SYS1: variants seen among roughly 807,000 people sequenced by gnomAD.
SYS1 encodes protein SYS1 homolog.
SYS1 carries 8 observed loss-of-function variants against 17.8 expected under a neutral mutation model. The observed-to-expected ratio is 0.45, with a 90% CI of 0.26 to 0.81. The LOEUF is 0.81. Among genes scored for constraint, SYS1 ranks in the 40% least tolerant of loss-of-function variants. The pLI is 0.16. For missense variants in SYS1, 161 were observed against 203.9 expected, an observed-to-expected ratio of 0.79 and a Z score of 1.28; for synonymous variants, 95 against 90.9, an observed-to-expected ratio of 1.05 and a Z score of -0.26.
chr20:45,362,963 C>G (rs944488713), upstream of SYS1: 17 of 309,520 alleles, frequency 5.5e-5, no homozygotes, highest in Non-Finnish European at 7.5e-5. Context: ...AAAAAGAATT[C>G]CCCTCTAGAG....
chr20:45,362,895 C>T (rs1988265180), upstream of SYS1: 1 of 152,954 alleles, frequency 6.5e-6, no homozygotes, highest in Non-Finnish European at 1.5e-5. Context: ...AATTCCCAAA[C>T]ATCATTACCG....
chr20:45,362,955 A>C (rs1305459913), upstream of SYS1: 1 of 268,802 alleles, frequency 3.7e-6, no homozygotes, highest in African/African-American at 2.3e-5. Flanking sequence ...TCCTTTAAAA[A>C]AAGAATTCCC....
chr20:45,375,139 G>C (rs767966819), exon 4 of SYS1: 1 of 1,614,144 alleles, frequency 6.2e-7, no homozygotes, highest in Non-Finnish European at 8.5e-7. Flanking sequence ...CATCACCCTG[G>C]GCGCCGGGAG....
At chr20:45,369,342 T>A (rs1202569897), downstream of SYS1, 1 of 152,160 alleles carries the variant, frequency 6.6e-6, no homozygotes, top group Non-Finnish European at 1.5e-5. Flanking sequence ...CCAAGGTGAC[T>A]TTTTAGGAGC....
At chr20:45,374,622 G>T in exon 4 of SYS1, 1 of 445,254 alleles carries the variant, frequency 2.2e-6, no homozygotes, top group Non-Finnish European at 4.0e-6. Context: ...CATAAATAGA[G>T]AGTTGAATTG....
intron 2 of SYS1, among the ~76,000 whole-genome samples, chr20:45,364,442 G>A (rs1462102817): frequency 6.6e-6 from 1 of 150,456 alleles, no homozygotes; most frequent in African/African-American, 2.5e-5. Flanking sequence ...AGAGGCAGCT[G>A]TGGCGTGGTG....
chr20:45,373,739 G>A (rs919613919), downstream of SYS1: 3 of 634,014 alleles, frequency 4.7e-6, no homozygotes, highest in Admixed American at 2.6e-5. Flanking sequence ...GCTGCTCGCT[G>A]GCTTCTTTGG....
chr20:45,370,397 G>A (rs964187195), downstream of SYS1, among the ~76,000 whole-genome samples: 4 of 152,164 alleles, frequency 2.6e-5, no homozygotes, highest in African/African-American at 9.7e-5. Context: ...CTGAACTCTG[G>A]CCATTCAGAG....
chr20:45,375,175 A>C, exon 4 of SYS1: 1 of 1,614,142 alleles, frequency 6.2e-7, no homozygotes, highest in Non-Finnish European at 8.5e-7. Context: ...CAGCCCCTCA[A>C]ACCAGATCCA....
upstream of SYS1, chr20:45,363,058 C>T: frequency 1.0e-6 from 1 of 970,044 alleles, no homozygotes; most frequent in Non-Finnish European, 1.2e-6. Context: ...CGCTATCCGG[C>T]TGCTTGTACC....
At position 45,367,339 on chromosome 20, in the gene SYS1, G is replaced by C; in HGVS notation, c.*224G>C. 1 of 1,383,246 alleles carries C rather than the reference G, an allele frequency of 7.2e-7. No individual in the cohort carries two copies. The highest frequency in any genetic ancestry group is 9.4e-7 in the Non-Finnish European group (1 of 1,068,476). 85.7% of individuals were successfully genotyped at this position (1,383,246 alleles called of 1,614,324 possible). On this transcript the variant is annotated 3_prime_UTR_variant, in exon 4 of 4. Coordinates refer to ENST00000243918, the MANE Select transcript of SYS1 (RefSeq NM_033542.4). Reference sequence around the variant, plus strand: ...CTGTTGAAGCCTTGGTATCTGAGAGGTCAGGAAGGGGACCTCTTTGAGGGT... The same window carrying C: ...CTGTTGAAGCCTTGGTATCTGAGAGCTCAGGAAGGGGACCTCTTTGAGGGT...
chr20:45,365,993 T>C (rs1988400191), intron 3 of SYS1: 1 of 408,518 alleles, frequency 2.4e-6, no homozygotes, highest in Non-Finnish European at 4.6e-6. Flanking sequence ...TGGGTTCTGT[T>C]CTTGGTTTGT....
At chr20:45,374,890 T>C (rs1441490415) in exon 4 of SYS1, 21 of 1,091,778 alleles carry the variant, frequency 1.9e-5, no homozygotes, top group Non-Finnish European at 2.6e-5. Context: ...GGCTTCCCCC[T>C]CTCTGGACAT....
Position 45,368,542 on chromosome 20 carries a change from A to G in SYS1, c.*1427A>G. On this transcript the variant is annotated 3_prime_UTR_variant, in exon 4 of 4. Transcript: ENST00000243918. ...GTTTTGCTATCTCTCTGAGAAGCTC[A>G]TCTGACCTCCTGACTCTCAGCCCTA... 2.3e-5 allele frequency: 23 copies of G among 985,456 alleles called. No homozygotes were observed. The highest frequency in any genetic ancestry group is 2.8e-5 in the Non-Finnish European group (23 of 829,942). 61.0% of individuals were successfully genotyped at this position (985,456 alleles called of 1,614,324 possible).
In SYS1 at chr20:45,375,208, T is replaced by C; in HGVS notation, c.*914T>C. The C allele has an allele frequency of 6.2e-7, 1 of 1,614,178 alleles. No individual in the cohort carries two copies. The highest frequency in any genetic ancestry group is 1.3e-5 in the African/African-American group (1 of 75,042). ...CCACTGGTCGGCTACATCCAGCTGC[T>C]TCATGTGCCCCATGGGAGTTCTATT... On this transcript the variant is annotated 3_prime_UTR_variant, in exon 4 of 4. Transcript: ENST00000426004.
downstream of SYS1, chr20:45,374,189 G>C (rs1600754999): frequency 1.5e-6 from 1 of 672,514 alleles, no homozygotes. Flanking sequence ...CCTTCCTTTC[G>C]TGGGACTTTC....
chr20:45,375,431 A>G (rs1410310034), exon 4 of SYS1: 2 of 1,612,224 alleles, frequency 1.2e-6, no homozygotes, highest in Non-Finnish European at 1.7e-6. Flanking sequence ...CACTCCTTGT[A>G]CTCTTTTTTC....
chr20:45,365,730 G>T (rs766737169), intron 3 of SYS1, 44 bp downstream of exon 3: 1 of 1,570,478 alleles, frequency 6.4e-7, no homozygotes, highest in African/African-American at 1.4e-5. Flanking sequence ...GGCTCTTAGT[G>T]CTGGGACTAA....
chr20:45,370,331 A>C (rs1220998105), downstream of SYS1, among the ~76,000 whole-genome samples: 1 of 152,208 alleles, frequency 6.6e-6, no homozygotes, highest in East Asian at 1.9e-4. Flanking sequence ...CTGAGTTGGC[A>C]TATCTCTTAA....
Sources: allele counts gnomAD v4.1 joint callset (sites outside exome capture counted in the v4.1 genomes callset), GRCh38; gene constraint gnomAD v4.1.1; transcripts MANE v1.5; gene names NCBI Gene and HGNC (gene_info 2026-07-23, HGNC 2026-07-21).